The following SRPK2 variants were observed in gnomAD, a reference collection of about 807,000 sequenced individuals.
SRPK2 encodes the protein SFRS protein kinase 2.
A neutral mutation model predicts 90.8 loss-of-function variants in SRPK2; 21 were observed. That is an observed-to-expected ratio of 0.23 (90% CI 0.16 to 0.33). The LOEUF is 0.33. Among genes scored for constraint, SRPK2 ranks in the 10% least tolerant of loss-of-function variants. The probability of loss-of-function intolerance (pLI) is 1.00; values close to 1 mark genes in which losing one functional copy is unlikely to be tolerated. For synonymous variants in SRPK2, 288 were observed against 311.1 expected, an observed-to-expected ratio of 0.93 and a Z score of 0.78; for missense variants, 620 against 869.0, an observed-to-expected ratio of 0.71 and a Z score of 3.60.
intron 2 of SRPK2, among the ~76,000 whole-genome samples, chr7:105,255,835 G>C (rs1585386257): frequency 6.6e-6 from 1 of 151,934 alleles, no homozygotes; most frequent in Non-Finnish European, 1.5e-5. Context: ...AGGAGGTTGA[G>C]GCAGGAGACT....
intron 3 of SRPK2, among the ~76,000 whole-genome samples, chr7:105,186,609 C>T (rs1793613673): frequency 6.6e-6 from 1 of 152,178 alleles, no homozygotes; most frequent in African/African-American, 2.4e-5. Flanking sequence ...AACAGTATCT[C>T]CCCAACTACC....
At chr7:105,382,125 G>T (rs917789639) in intron 2 of SRPK2, among the ~76,000 whole-genome samples, 2 of 151,834 alleles carry the variant, frequency 1.3e-5, no homozygotes, top group African/African-American at 2.4e-5. Flanking sequence ...CCATGATTGC[G>T]CCAGTGCACT....
chr7:105,388,366 C>A (rs1442008816), intron 2 of SRPK2, among the ~76,000 whole-genome samples: 3 of 150,572 alleles, frequency 2.0e-5, no homozygotes, highest in Admixed American at 6.6e-5. Flanking sequence ...TGCCCGGCGC[C>A]TTTCCGCCGG....
At chr7:105,156,795 CG>C (rs1404582220) in intron 7 of SRPK2, among the ~76,000 whole-genome samples, 8 of 152,202 alleles carry the variant, frequency 5.3e-5, no homozygotes, top group Non-Finnish European at 8.8e-5. Flanking sequence ...TGAGCCACCA[CG>C]CCTGGCTGGT....
At chr7:105,376,209 G>C (rs913079596) in intron 2 of SRPK2, among the ~76,000 whole-genome samples, 3 of 151,698 alleles carry the variant, frequency 2.0e-5, no homozygotes, top group African/African-American at 7.3e-5. Flanking sequence ...ATGTTAGCCA[G>C]GATGGTCTCT....
intron 2 of SRPK2, among the ~76,000 whole-genome samples, chr7:105,251,101 T>C (rs1207802685): frequency 2.0e-5 from 3 of 152,172 alleles, no homozygotes; most frequent in Non-Finnish European, 4.4e-5. Context: ...TTTGTGTACT[T>C]TGAAATAAAT....
chr7:105,233,053 A>T (rs1799652316), intron 2 of SRPK2, among the ~76,000 whole-genome samples: 1 of 146,972 alleles, frequency 6.8e-6, no homozygotes. Context: ...AGAGGGAGAG[A>T]GGGAGGGAGC....
chr7:105,218,474 G>A (rs1797722971), intron 2 of SRPK2, among the ~76,000 whole-genome samples: 1 of 152,142 alleles, frequency 6.6e-6, no homozygotes, highest in African/African-American at 2.4e-5. Flanking sequence ...CATCTCTAAC[G>A]GGTGTCAACT....
chr7:105,231,250 C>A (rs1382151022), intron 2 of SRPK2, among the ~76,000 whole-genome samples: 5 of 152,196 alleles, frequency 3.3e-5, no homozygotes, highest in Admixed American at 6.5e-5. Flanking sequence ...CATGTTCCCA[C>A]AAAATACATT....
At chr7:105,143,007 C>T in intron 10 of SRPK2, 77 bp downstream of exon 10, 1 of 1,536,390 alleles carries the variant, frequency 6.5e-7, no homozygotes, top group Non-Finnish European at 8.8e-7. Context: ...ACAAATCAGC[C>T]CCCATGTTGA....
At chr7:105,251,575 A>G (rs1802485384) in intron 2 of SRPK2, among the ~76,000 whole-genome samples, 1 of 152,200 alleles carries the variant, frequency 6.6e-6, no homozygotes. Context: ...GCTTAATCCC[A>G]CAAGGCTTCC....
In SRPK2 at chr7:105,116,562, A is replaced by G. The variant is rs1347692418; in HGVS notation, c.*1276T>C. The G allele has an allele frequency of 1.3e-5, 2 of 152,752 alleles. No homozygotes were observed. Among genetic ancestry groups the G allele is most frequent in the South Asian group, 2.1e-4 (1 of 4,824 alleles). The allele number at this position is 152,752 out of a possible 1,614,324, so 9.5% of individuals were successfully genotyped here. On this transcript the variant is annotated 3_prime_UTR_variant, in exon 16 of 16. Transcript: ENST00000393651. ...AATGTAAAATTTAAAATAAAAAGAC[A>G]TTCAATCCACTGACTTCTAAAAGAG...
At chr7:105,192,074 A>G (rs1385649331) in intron 3 of SRPK2, among the ~76,000 whole-genome samples, 14 of 147,844 alleles carry the variant, frequency 9.5e-5, no homozygotes, top group African/African-American at 2.3e-4. Flanking sequence ...TTTAATTTCC[A>G]TAAGTTTTGG....
chr7:105,217,359 G>C (rs545065760), intron 2 of SRPK2, among the ~76,000 whole-genome samples: 1 of 152,152 alleles, frequency 6.6e-6, no homozygotes, highest in African/African-American at 2.4e-5. Flanking sequence ...CTAATTAAGC[G>C]GAATAGAAAT....
At chr7:105,251,448 C>T (rs186195824) in intron 2 of SRPK2, among the ~76,000 whole-genome samples, 2 of 152,274 alleles carry the variant, frequency 1.3e-5, no homozygotes, top group Non-Finnish European at 2.9e-5. Context: ...AAGCTATGCT[C>T]CTGCCTTGGC....
At chr7:105,128,044 C>T (rs1165329715) in intron 13 of SRPK2, among the ~76,000 whole-genome samples, 1 of 152,142 alleles carries the variant, frequency 6.6e-6, no homozygotes, top group Non-Finnish European at 1.5e-5. Context: ...AATGACCACA[C>T]AGTGCTGGAA....
chr7:105,295,447 G>A (rs1276818973), intron 2 of SRPK2, among the ~76,000 whole-genome samples: 3 of 152,148 alleles, frequency 2.0e-5, no homozygotes, highest in South Asian at 2.1e-4. Flanking sequence ...AACATACAAT[G>A]GAGTATTATT....
intron 2 of SRPK2, among the ~76,000 whole-genome samples, chr7:105,275,391 C>G (rs1185581819): frequency 6.6e-6 from 1 of 150,674 alleles, no homozygotes; most frequent in Non-Finnish European, 1.5e-5. Context: ...TCTTATTCAT[C>G]CCCTTTATAC....
upstream of SRPK2, among the ~76,000 whole-genome samples, chr7:105,390,699 C>A (rs1415630695): frequency 6.6e-6 from 1 of 150,936 alleles, no homozygotes; most frequent in Admixed American, 6.6e-5. Flanking sequence ...GTCATCCACC[C>A]ACCTCAACCT....
Sources: gnomAD v4.1 joint callset for allele counts (sites outside exome capture counted in the v4.1 genomes callset) on GRCh38, gnomAD v4.1.1 for gene constraint, MANE v1.5 for transcripts, NCBI Gene and HGNC (gene_info 2026-07-23, HGNC 2026-07-21) for gene names.